PDLIM3: variants seen among roughly 807,000 people sequenced by gnomAD.
The protein encoded by PDLIM3 is PDZ and LIM domain 3, also known as PDZ and LIM domain protein 3.
A neutral mutation model predicts 37.3 loss-of-function variants in PDLIM3; 36 were observed. The ratio of observed to expected loss-of-function variants is 0.97; its 90% CI spans 0.74 to 1.28. The LOEUF (loss-of-function observed/expected upper bound fraction) is 1.28, where lower values mean the gene tolerates loss of function less well. Among genes scored for constraint, PDLIM3 ranks in the 50% most tolerant of loss-of-function variants. The pLI, the probability that PDLIM3 is intolerant of heterozygous loss-of-function variation, is 0.00. For synonymous variants in PDLIM3, 174 were observed against 182.4 expected (o/e 0.95, Z 0.37); for missense variants, 454 against 485.0 (o/e 0.94, Z 0.60).
intron 3 of PDLIM3, among the ~76,000 whole-genome samples, chr4:185,518,816 C>T (rs1417035142): frequency 3.3e-5 from 5 of 152,128 alleles, no homozygotes; most frequent in Admixed American, 2.0e-4. Flanking sequence ...TGACTTTATC[C>T]CACACTCTTC....
Position 185,535,451 on chromosome 4 carries a change from C to T in PDLIM3, c.-17G>A. On this transcript the variant is annotated 5_prime_UTR_variant, in exon 1 of 8. Transcript: ENST00000284767. ...CTGGGGCATGCCGCCTTCCTCCCGC[C>T]CACCGGGCTCTAAGTGTCCCCGCGC... The T allele has an allele frequency of 6.4e-7, 1 of 1,574,234 alleles. No homozygotes were observed. The highest frequency in any genetic ancestry group is 8.6e-7 in the Non-Finnish European group (1 of 1,161,606).
At position 185,514,178 on chromosome 4, in the gene PDLIM3, T is replaced by G; in HGVS notation, c.398+92A>C. On this transcript the variant is annotated intron_variant, in intron 4 of 7. Coordinates refer to ENST00000284767, the MANE Select transcript of PDLIM3 (RefSeq NM_014476.6). The surrounding 1 kb of genome is among the most constrained non-coding windows in gnomAD (Gnocchi z 4.0). ...TAAGCTTCGCAATGAGAAAAGCCAC[T>G]CCAAACATCTACCAGTTACTTTTCT... The G allele has an allele frequency of 1.2e-6, 2 of 1,611,498 alleles. No individual in the cohort carries two copies. The highest frequency in any genetic ancestry group is 1.7e-6 in the Non-Finnish European group (2 of 1,178,790).
intron 1 of PDLIM3, among the ~76,000 whole-genome samples, chr4:185,529,910 G>A (rs977670942): frequency 1.2e-4 from 19 of 152,042 alleles, no homozygotes; most frequent in Admixed American, 9.8e-4. Flanking sequence ...CTATCATCTC[G>A]CATTGCCTCT....
intron 1 of PDLIM3, among the ~76,000 whole-genome samples, chr4:185,526,290 T>C (rs1459924618): frequency 6.6e-6 from 1 of 152,222 alleles, no homozygotes; most frequent in African/African-American, 2.4e-5. Flanking sequence ...TCTCCACGAA[T>C]GAAGGACAGA....
chr4:185,530,153 A>G (rs901564274), intron 1 of PDLIM3, among the ~76,000 whole-genome samples: 2 of 152,220 alleles, frequency 1.3e-5, no homozygotes, highest in Non-Finnish European at 2.9e-5. Flanking sequence ...TGAGTTACAC[A>G]TGAACCAGTA....
At chr4:185,507,981 A>C (rs1334759016) in intron 5 of PDLIM3, among the ~76,000 whole-genome samples, 1 of 152,128 alleles carries the variant, frequency 6.6e-6, no homozygotes, top group Non-Finnish European at 1.5e-5. Context: ...AGTACATTGT[A>C]GCTTTCGAGA....
In PDLIM3 at chr4:185,502,171, TA is replaced by T; in HGVS notation, c.*122del. ...CTCAATAAACAATAGGATAAAGGTC[TA>T]AAGCCTTGACTTTAGATTTGGAGTT... On this transcript the variant is annotated 3_prime_UTR_variant, in exon 8 of 8. Coordinates refer to ENST00000284767, the MANE Select transcript of PDLIM3 (RefSeq NM_014476.6). 9.8e-7 allele frequency: 1 copy of T among 1,015,904 alleles called. No homozygotes were observed. The highest frequency in any genetic ancestry group is 1.5e-6 in the Non-Finnish European group (1 of 656,162). 62.9% of individuals were successfully genotyped at this position (1,015,904 alleles called of 1,614,324 possible).
intron 1 of PDLIM3, among the ~76,000 whole-genome samples, chr4:185,526,142 G>C (rs1410530949): frequency 1.3e-5 from 2 of 152,142 alleles, no homozygotes; most frequent in South Asian, 2.1e-4. Context: ...GAGGAAGATG[G>C]GGCTCCCATA....
In PDLIM3 at chr4:185,514,126, T is replaced by G; in HGVS notation, c.398+144A>C. 2.6e-6 allele frequency: 4 copies of G among 1,545,924 alleles called. No individual in the cohort carries two copies. Among genetic ancestry groups the G allele is most frequent in the Non-Finnish European group, 3.5e-6 (4 of 1,145,974 alleles). On this transcript the variant is annotated intron_variant, in intron 4 of 7. Coordinates refer to ENST00000284767, the MANE Select transcript of PDLIM3 (RefSeq NM_014476.6). This position sits in a 1 kb window ranked among gnomAD's most constrained non-coding sequence, Gnocchi z 4.0. ...TATTTGGCTTCTGTTCTCTGCCAAGTGAGTTTGTTTCTTTTTGCTTTTGAA... is the reference window on the plus strand; with the variant it reads ...TATTTGGCTTCTGTTCTCTGCCAAGGGAGTTTGTTTCTTTTTGCTTTTGAA...
chr4:185,514,888 T>C lies in PDLIM3; in HGVS notation c.331-551A>G, dbSNP rs181802236. 1 of 1,549,860 alleles carries C rather than the reference T, an allele frequency of 6.5e-7. No homozygotes were observed. Among genetic ancestry groups the C allele is most frequent in the South Asian group, 1.2e-5 (1 of 83,850 alleles). Reference sequence around the variant, plus strand: ...TGTGCGCGGTACCAATGGGTTTGAATTCCTGTACAATGGCAGACAAAATAC... The same window carrying C: ...TGTGCGCGGTACCAATGGGTTTGAACTCCTGTACAATGGCAGACAAAATAC... On this transcript the variant is annotated intron_variant, in intron 3 of 7. Coordinates refer to ENST00000284767, the MANE Select transcript of PDLIM3 (RefSeq NM_014476.6). The surrounding 1 kb of genome is among the most constrained non-coding windows in gnomAD (Gnocchi z 4.0).
In PDLIM3 at chr4:185,514,445, T is replaced by C; in HGVS notation, c.331-108A>G. 1 of 1,604,494 alleles carries C rather than the reference T, an allele frequency of 6.2e-7. No individual in the cohort carries two copies. Among genetic ancestry groups the C allele is most frequent in the Non-Finnish European group, 8.5e-7 (1 of 1,173,774 alleles). On this transcript the variant is annotated intron_variant, in intron 3 of 7. Transcript: ENST00000284767. The surrounding 1 kb of genome is among the most constrained non-coding windows in gnomAD (Gnocchi z 4.0). ...GGGAGGATCATTTACCACCAACTACTGTCATAACTAAGAAAGGCGATGACG... is the reference window on the plus strand; with the variant it reads ...GGGAGGATCATTTACCACCAACTACCGTCATAACTAAGAAAGGCGATGACG...
At position 185,502,104 on chromosome 4, in the gene PDLIM3, T is replaced by G. The variant is rs773329945; in HGVS notation, c.*190A>C. Reference sequence around the variant, plus strand: ...GAGTTGCAAAACATAGCTAAGTGTATGTTTTTTTCACATAGCAGGCATTTG... The same window carrying G: ...GAGTTGCAAAACATAGCTAAGTGTAGGTTTTTTTCACATAGCAGGCATTTG... On this transcript the variant is annotated 3_prime_UTR_variant, in exon 8 of 8. Coordinates refer to ENST00000284767, the MANE Select transcript of PDLIM3 (RefSeq NM_014476.6). The G allele has an allele frequency of 3.1e-6, 2 of 646,550 alleles. No homozygotes were observed. The highest frequency in any genetic ancestry group is 5.5e-6 in the Non-Finnish European group (2 of 363,672). The allele number at this position is 646,550 out of a possible 1,614,324, so 40.1% of individuals were successfully genotyped here.
Position 185,514,923 on chromosome 4 carries a change from C to G in PDLIM3, c.331-586G>C, listed in dbSNP as rs1427976736. 3.9e-6 allele frequency: 6 copies of G among 1,528,554 alleles called. No individual in the cohort carries two copies. The highest frequency in any genetic ancestry group is 2.8e-5 in the African/African-American group (2 of 72,380). 94.7% of individuals were successfully genotyped at this position (1,528,554 alleles called of 1,614,324 possible). ...ATGGCAGACAAAATACACAGCCACA[C>G]AGCGCACAAGAAAGCCATTAGTGAG... On this transcript the variant is annotated intron_variant, in intron 3 of 7. Transcript: ENST00000284767. The surrounding 1 kb of genome is among the most constrained non-coding windows in gnomAD (Gnocchi z 4.0).
chr4:185,526,401 C>T (rs2095734204), intron 1 of PDLIM3, among the ~76,000 whole-genome samples: 1 of 152,150 alleles, frequency 6.6e-6, no homozygotes. Context: ...CAGAGACTAT[C>T]AAACTAGGTG....
At chr4:185,530,014 C>T (rs929360910) in intron 1 of PDLIM3, among the ~76,000 whole-genome samples, 4 of 152,186 alleles carry the variant, frequency 2.6e-5, no homozygotes, top group Admixed American at 1.3e-4. Flanking sequence ...AGTTCATATA[C>T]ATGTTCCTTT....
In PDLIM3 at chr4:185,508,353, A is replaced by G. The variant is rs774719040; in HGVS notation, c.608T>C (p.Met203Thr). Residue 203 changes from methionine (M) to threonine (T), a missense_variant, in exon 5 of 8, where the codon ATG becomes ACG. Coordinates refer to ENST00000284767, the MANE Select transcript of PDLIM3 (RefSeq NM_014476.6). ...TGAAACCTGACCCTGGAGTGTTTCC[A>G]TAATATTGTCATCTGAGTACAACTG... ...PMQLYSDDNI[M>T]ETLQGQVSTA... 36 of 1,614,036 alleles carry G rather than the reference A, an allele frequency of 2.2e-5. No homozygotes were observed. Among genetic ancestry groups the G allele is most frequent in the Non-Finnish European group, 2.8e-5 (33 of 1,180,010 alleles).
At position 185,535,393 on chromosome 4, in the gene PDLIM3, GCCCCAGGGCGCAGGGCCCGGGAGGATC is replaced by G. The variant is rs780692409; in HGVS notation, c.15_41del (p.Ile6_Gly14del). On this transcript the variant is annotated inframe_deletion, in exon 1 of 8. Coordinates refer to ENST00000284767, the MANE Select transcript of PDLIM3 (RefSeq NM_014476.6). ...AGTCTATGCCCCCTGAGAGCCTGAAGCCCCAGGGCGCAGGGCCCGGGAGGATCACCGTCTGGGGCATGCCGCCTTCCT... is the reference window on the plus strand; with the variant it reads ...AGTCTATGCCCCCTGAGAGCCTGAAGACCGTCTGGGGCATGCCGCCTTCCT... The G allele has an allele frequency of 6.2e-7, 1 of 1,607,648 alleles. No homozygotes were observed.
chr4:185,521,531 G>T lies in PDLIM3; in HGVS notation c.330+1831C>A, dbSNP rs1192997017. On this transcript the variant is annotated intron_variant, in intron 3 of 7. Coordinates refer to ENST00000284767, the MANE Select transcript of PDLIM3 (RefSeq NM_014476.6). ...CCCACCTCAGCCTTCTGTGTAGCTG[G>T]GACTTACAGGTGTGTACCAACATGC... 1.3e-4 allele frequency among the ~76,000 whole-genome samples: 8 copies of T among 63,432 alleles called. 4 individuals carry two copies. Among genetic ancestry groups the T allele is most frequent in the Non-Finnish European group, 5.2e-4 (8 of 15,364 alleles). The allele number at this position is 63,432 out of a possible 152,430, so 41.6% of individuals were successfully genotyped here. A position where few individuals can be genotyped will look rare whatever the true frequency, so the allele number is the denominator to read the frequency against.
intron 1 of PDLIM3, among the ~76,000 whole-genome samples, chr4:185,533,122 C>T (rs1431654227): frequency 3.3e-5 from 5 of 152,088 alleles, no homozygotes; most frequent in African/African-American, 1.2e-4. Context: ...ACTACTGCTA[C>T]TCTCCTAAAG....
Sources: gnomAD v4.1 joint callset for allele counts (sites outside exome capture counted in the v4.1 genomes callset) on GRCh38, gnomAD v4.1.1 for gene constraint, Gnocchi (gnomAD v3.1) non-coding constraint, MANE v1.5 for transcripts, NCBI Gene and HGNC (gene_info 2026-07-23, HGNC 2026-07-21) for gene names.